Variants in BCAT1 observed in about 807,000 individuals in gnomAD.
BCAT1 encodes the protein branched-chain-amino-acid aminotransferase, cytosolic.
In BCAT1, 48 loss-of-function variants were observed where a neutral mutation model predicts 52.4. The observed-to-expected ratio is 0.92, with a 90% confidence interval of 0.73 to 1.16. BCAT1 has a LOEUF of 1.16. BCAT1 is among the 50% of genes most tolerant of loss of function. BCAT1 has a pLI of 0.00. For missense variants in BCAT1, 451 were observed against 457.1 expected, an observed-to-expected ratio of 0.99 and a Z score of 0.12; for synonymous variants, 167 against 161.3, an observed-to-expected ratio of 1.04 and a Z score of -0.27.
At chr12:24,917,913 C>T (rs1245579255) in intron 1 of BCAT1, among the ~76,000 whole-genome samples, 1 of 152,154 alleles carries the variant, frequency 6.6e-6, no homozygotes, top group Non-Finnish European at 1.5e-5. Context: ...TAACTCTTAT[C>T]CAGGAAAATC....
At chr12:24,890,246 G>T (rs1449665723) in intron 3 of BCAT1, among the ~76,000 whole-genome samples, 1 of 152,138 alleles carries the variant, frequency 6.6e-6, no homozygotes, top group South Asian at 2.1e-4. Flanking sequence ...GGTGGTTAGG[G>T]TCTTGGGGAA....
At chr12:24,946,929 T>C (rs1410610624) in intron 1 of BCAT1, among the ~76,000 whole-genome samples, 1 of 152,204 alleles carries the variant, frequency 6.6e-6, no homozygotes, top group African/African-American at 2.4e-5. Flanking sequence ...TCCCCTTTTC[T>C]CTCTGTAGTT....
chr12:24,861,275 T>C (rs1163004730), intron 5 of BCAT1, among the ~76,000 whole-genome samples: 1 of 152,238 alleles, frequency 6.6e-6, no homozygotes, highest in African/African-American at 2.4e-5. Flanking sequence ...TCTGAACATG[T>C]GTTGGAATTG....
At chr12:24,843,590 G>A (rs1388143910) in intron 6 of BCAT1, among the ~76,000 whole-genome samples, 1 of 152,044 alleles carries the variant, frequency 6.6e-6, no homozygotes, top group African/African-American at 2.4e-5. Context: ...GTGACACAGT[G>A]AGACTCTGTC....
chr12:24,909,633 G>A (rs976748075), intron 1 of BCAT1, among the ~76,000 whole-genome samples: 2 of 152,132 alleles, frequency 1.3e-5, no homozygotes, highest in Non-Finnish European at 2.9e-5. Context: ...TTCTTGGCTT[G>A]CAGCTGCCAA....
chr12:24,894,019 A>C (rs1942902780), intron 3 of BCAT1, among the ~76,000 whole-genome samples: 1 of 152,196 alleles, frequency 6.6e-6, no homozygotes, highest in Admixed American at 6.5e-5. Context: ...CAATTTTCCC[A>C]CCAGCTGTCC....
intron 6 of BCAT1, among the ~76,000 whole-genome samples, chr12:24,843,390 G>A (rs995740118): frequency 3.9e-5 from 6 of 152,140 alleles, no homozygotes; most frequent in African/African-American, 1.2e-4. Flanking sequence ...GATCACTGAG[G>A]TCAGGAGTTC....
At chr12:24,846,709 C>T (rs899799498) in intron 6 of BCAT1, among the ~76,000 whole-genome samples, 5 of 152,222 alleles carry the variant, frequency 3.3e-5, no homozygotes, top group Non-Finnish European at 7.4e-5. Flanking sequence ...AAAACTTTTT[C>T]GGTGCCAACA....
intron 1 of BCAT1, among the ~76,000 whole-genome samples, chr12:24,920,514 G>A (rs1943486365): frequency 6.6e-6 from 1 of 151,968 alleles, no homozygotes; most frequent in Admixed American, 6.6e-5. Flanking sequence ...TACTAAGAGG[G>A]GCTGTTTCCC....
chr12:24,832,886 CA>C, intron 8 of BCAT1, 23 bp from the exon 9 acceptor site: 4 of 1,587,446 alleles, frequency 2.5e-6, no homozygotes, highest in Non-Finnish European at 3.4e-6. Context: ...TAAAAAATAA[CA>C]AGTATATTTT....
intron 6 of BCAT1, among the ~76,000 whole-genome samples, chr12:24,845,516 G>A (rs997684801): frequency 1.3e-5 from 2 of 152,150 alleles, no homozygotes; most frequent in Non-Finnish European, 2.9e-5. Flanking sequence ...TGCAGGGGAC[G>A]TCTGGTAGAA....
At position 24,817,725 on chromosome 12, in the gene BCAT1, G is replaced by A. The variant is rs1227083148; in HGVS notation, c.*283C>T. Reference sequence around the variant, plus strand: ...AGTATCTGAGTGAAGTACAAAAGGAGGCACTAAAATCATTGAGGAAAATCC... The same window carrying A: ...AGTATCTGAGTGAAGTACAAAAGGAAGCACTAAAATCATTGAGGAAAATCC... On this transcript the variant is annotated 3_prime_UTR_variant, in exon 11 of 11. Coordinates refer to ENST00000261192, the MANE Select transcript of BCAT1 (RefSeq NM_005504.7). 3 of 367,004 alleles carry A rather than the reference G, an allele frequency of 8.2e-6. No individual in the cohort carries two copies. Among genetic ancestry groups the A allele is most frequent in the Non-Finnish European group, 1.5e-5 (3 of 201,018 alleles). The allele number at this position is 367,004 out of a possible 1,614,324, so 22.7% of individuals were successfully genotyped here.
At chr12:24,833,242 G>A (rs1047368759) in intron 8 of BCAT1, among the ~76,000 whole-genome samples, 2 of 152,176 alleles carry the variant, frequency 1.3e-5, no homozygotes, top group African/African-American at 4.8e-5. Flanking sequence ...TCTTAGGCCG[G>A]GCACGGTGGC....
chr12:24,886,400 T>A (rs887738268), intron 3 of BCAT1, among the ~76,000 whole-genome samples: 1 of 152,158 alleles, frequency 6.6e-6, no homozygotes, highest in Non-Finnish European at 1.5e-5. Context: ...CAAGACCTTG[T>A]CTCAAATAAA....
Position 24,832,733 on chromosome 12 carries a change from T to C in BCAT1, c.1034A>G (p.Tyr345Cys). The stretch of plus-strand genomic sequence containing the variant: ...AAATACTTGTCGTACCTCGCCTTTG[T>C]ACAGTATATCAGAAACTGGGCAAAC... Reference protein sequence around the residue: ...CVVCPVSDILYKGETIHIPTM... With the variant: ...CVVCPVSDILCKGETIHIPTM... The change falls in exon 9 of 11, where the codon TAC (tyrosine) becomes TGC (cysteine). Residue 345 changes from tyrosine (Y) to cysteine (C), a missense_variant. Coordinates refer to ENST00000261192, the MANE Select transcript of BCAT1 (RefSeq NM_005504.7). 1.2e-6 allele frequency: 2 copies of C among 1,610,546 alleles called. No individual in the cohort carries two copies. Among genetic ancestry groups the C allele is most frequent in the Non-Finnish European group, 1.7e-6 (2 of 1,178,292 alleles).
At chr12:24,906,728 T>C (rs1943232247) in intron 1 of BCAT1, among the ~76,000 whole-genome samples, 1 of 152,210 alleles carries the variant, frequency 6.6e-6, no homozygotes, top group African/African-American at 2.4e-5. Flanking sequence ...TGCTTACTCC[T>C]GCTCTATGTA....
intron 6 of BCAT1, among the ~76,000 whole-genome samples, chr12:24,848,811 C>G (rs1240422705): frequency 6.6e-6 from 1 of 152,202 alleles, no homozygotes; most frequent in Non-Finnish European, 1.5e-5. Context: ...ATTTGGATTT[C>G]TCTACCCATT....
intron 6 of BCAT1, among the ~76,000 whole-genome samples, chr12:24,842,556 A>C (rs955141008): frequency 3.3e-5 from 5 of 152,196 alleles, no homozygotes; most frequent in Non-Finnish European, 7.3e-5. Context: ...GCAATTTTAC[A>C]TGAATTATTT....
chr12:24,934,728 T>G (rs1310096872), intron 1 of BCAT1, among the ~76,000 whole-genome samples: 1 of 152,096 alleles, frequency 6.6e-6, no homozygotes, highest in Non-Finnish European at 1.5e-5. Flanking sequence ...AATTTTTGTA[T>G]TTTTAGTAGA....
Sources: gnomAD v4.1 joint callset for allele counts (sites outside exome capture counted in the v4.1 genomes callset) on GRCh38, gnomAD v4.1.1 for gene constraint, MANE v1.5 for transcripts, NCBI Gene and HGNC (gene_info 2026-07-23, HGNC 2026-07-21) for gene names.